ITGA9: variants seen among roughly 807,000 people sequenced by gnomAD.
ITGA9 encodes integrin subunit alpha 9.
ITGA9 carries 56 observed loss-of-function variants against 127.8 expected under a neutral mutation model. The ratio of observed to expected loss-of-function variants is 0.44; its 90% CI spans 0.35 to 0.55. The LOEUF is 0.55. Among genes scored for constraint, ITGA9 ranks in the 20% least tolerant of loss-of-function variants. The pLI is 0.00. For synonymous variants in ITGA9, 508 were observed against 514.5 expected, an observed-to-expected ratio of 0.99 and a Z score of 0.17; for missense variants, 1,196 against 1,347.1, an observed-to-expected ratio of 0.89 and a Z score of 1.76.
intron 10 of ITGA9, 119 bp from the exon 11 acceptor site, chr3:37,519,141 C>T (rs1050466146): frequency 1.0e-5 from 7 of 675,814 alleles, no homozygotes; most frequent in South Asian, 9.3e-5. Context: ...AATGCTTGAA[C>T]AATCAACAAC....
chr3:37,678,098 A>G (rs915737689), intron 17 of ITGA9, among the ~76,000 whole-genome samples: 4 of 152,152 alleles, frequency 2.6e-5, no homozygotes, highest in South Asian at 2.1e-4. Flanking sequence ...GGTTGTGTCT[A>G]CCCTTGGCTA....
chr3:37,704,555 C>A (rs143648579), intron 18 of ITGA9, among the ~76,000 whole-genome samples: 2 of 152,194 alleles, frequency 1.3e-5, no homozygotes, highest in East Asian at 1.9e-4. Context: ...GAAGTCTTAC[C>A]CTTTGTGAGT....
At chr3:37,716,337 A>G (rs1266517159) in intron 18 of ITGA9, among the ~76,000 whole-genome samples, 1 of 152,140 alleles carries the variant, frequency 6.6e-6, no homozygotes, top group Non-Finnish European at 1.5e-5. Flanking sequence ...GTATGCAGCC[A>G]GTCCAGCCAT....
At chr3:37,797,334 AAC>A (rs1287934369) in intron 26 of ITGA9, among the ~76,000 whole-genome samples, 3 of 152,116 alleles carry the variant, frequency 2.0e-5, no homozygotes, top group African/African-American at 7.2e-5. Context: ...CAGTCTAAGC[AAC>A]AGAGTGAGAC....
At chr3:37,560,249 G>C (rs1456356535) in intron 15 of ITGA9, among the ~76,000 whole-genome samples, 1 of 152,152 alleles carries the variant, frequency 6.6e-6, no homozygotes, top group Non-Finnish European at 1.5e-5. Context: ...ATGGTTTTCA[G>C]CTTCATCCGT....
chr3:37,740,897 T>G (rs9840828), intron 20 of ITGA9, among the ~76,000 whole-genome samples: 35,151 of 152,056 alleles, frequency 0.23, 4,248 homozygotes, highest in Middle Eastern at 0.31. Flanking sequence ...TCTACCCCCA[T>G]AGACTTGCTA....
At chr3:37,812,293 T>C (rs1697377703) in intron 27 of ITGA9, among the ~76,000 whole-genome samples, 1 of 152,192 alleles carries the variant, frequency 6.6e-6, no homozygotes, top group Non-Finnish European at 1.5e-5. Context: ...ACTATAAACA[T>C]GAAGTCTTGA....
At chr3:37,552,082 G>T (rs1699383702) in intron 15 of ITGA9, among the ~76,000 whole-genome samples, 1 of 152,224 alleles carries the variant, frequency 6.6e-6, no homozygotes, top group African/African-American at 2.4e-5. Flanking sequence ...TTCCCTTCGT[G>T]CTGTGTGTCA....
In ITGA9 at chr3:37,453,010, C is replaced by T. The variant is rs183967236; in HGVS notation, c.185+451C>T. Among the ~76,000 whole-genome samples, 472 of 152,256 alleles carry T rather than the reference C, an allele frequency of 3.1e-3. 3 individuals are homozygous for T. Among genetic ancestry groups the T allele is most frequent in the African/African-American group, 0.01 (427 of 41,562 alleles). ...ACCCCTCCCCGGTTTTGGGGAACCC[C>T]TGAGGAAGGAGTATAGCCTCTCCAG... is the stretch of plus-strand genomic sequence containing the variant. On this transcript the variant is annotated intron_variant, in intron 1 of 27. Transcript: ENST00000264741.
chr3:37,739,433 A>C (rs1696405003), intron 20 of ITGA9, among the ~76,000 whole-genome samples: 1 of 152,240 alleles, frequency 6.6e-6, no homozygotes, highest in South Asian at 2.1e-4. Context: ...ACCCACACAC[A>C]GCGCTTGACT....
chr3:37,483,894 G>A (rs953455939), intron 4 of ITGA9, among the ~76,000 whole-genome samples: 1 of 152,218 alleles, frequency 6.6e-6, no homozygotes, highest in Non-Finnish European at 1.5e-5. Flanking sequence ...GGATTTTGAA[G>A]CTGGCCTCTG....
At chr3:37,659,246 C>T (rs2125650440) in intron 17 of ITGA9, among the ~76,000 whole-genome samples, 1 of 152,228 alleles carries the variant, frequency 6.6e-6, no homozygotes. Flanking sequence ...TGGGGAAGTT[C>T]TCCTGGATAA....
intron 23 of ITGA9, among the ~76,000 whole-genome samples, chr3:37,774,512 T>G (rs1237944630): frequency 2.7e-5 from 4 of 147,274 alleles, no homozygotes; most frequent in Non-Finnish European, 5.9e-5. Flanking sequence ...CTGGGTAATG[T>G]GGCAAAACTC....
chr3:37,576,606 T>C (rs6419832), intron 15 of ITGA9, among the ~76,000 whole-genome samples: 97,439 of 151,860 alleles, frequency 0.64, 31,607 homozygotes, highest in East Asian at 0.76. Flanking sequence ...CATGGAGGTC[T>C]CAACCATAAT....
At chr3:37,499,703 T>C (rs2068994975) in intron 5 of ITGA9, among the ~76,000 whole-genome samples, 1 of 152,188 alleles carries the variant, frequency 6.6e-6, no homozygotes. Context: ...GGTCGCAGGC[T>C]TGGCCCTGTT....
intron 15 of ITGA9, among the ~76,000 whole-genome samples, chr3:37,603,586 G>A (rs1203927365): frequency 6.6e-6 from 1 of 152,182 alleles, no homozygotes; most frequent in Non-Finnish European, 1.5e-5. Flanking sequence ...CCTGAGAACT[G>A]AGGCATGCTA....
rs372265721 is a variant in ITGA9 at position 37,687,559 on chromosome 3, C to T, written c.2067+3544C>T. 6.6e-5 allele frequency among the ~76,000 whole-genome samples: 10 copies of T among 152,244 alleles called. No homozygotes were observed. The East Asian group carries it at 1.7e-3, about 26-fold the overall frequency. On this transcript the variant is annotated intron_variant, in intron 18 of 27. Transcript: ENST00000264741. Reference sequence around the variant, plus strand: ...AATATTTAAAACATTTTAATGTCTACAAATAGCTTCATGAAATTTTTAATT... The same window carrying T: ...AATATTTAAAACATTTTAATGTCTATAAATAGCTTCATGAAATTTTTAATT...
chr3:37,473,271 A>C, intron 2 of ITGA9, 83 bp from the exon 3 acceptor site: 1 of 984,770 alleles, frequency 1.0e-6, no homozygotes, highest in South Asian at 1.3e-5. Context: ...TTATTTCCTC[A>C]TAGGGCTGTG....
At chr3:37,811,320 A>C (rs561850092) in intron 27 of ITGA9, among the ~76,000 whole-genome samples, 1 of 152,224 alleles carries the variant, frequency 6.6e-6, no homozygotes, top group East Asian at 1.9e-4. Context: ...TGGGCCTGGC[A>C]TCTCTTCAAG....
Sources: gnomAD v4.1 joint callset for allele counts (sites outside exome capture counted in the v4.1 genomes callset) on GRCh38, gnomAD v4.1.1 for gene constraint, MANE v1.5 for transcripts, NCBI Gene and HGNC (gene_info 2026-07-23, HGNC 2026-07-21) for gene names.